Variants in MAF observed in about 807,000 individuals in gnomAD.
The protein encoded by MAF is MAF bZIP transcription factor, also known as transcription factor Maf.
MAF carries 10 observed loss-of-function variants against 22.0 expected under a neutral mutation model. The observed-to-expected ratio is 0.45, with a 90% CI of 0.28 to 0.77. The LOEUF is 0.77. Among genes scored for constraint, MAF ranks in the 30% least tolerant of loss-of-function variants. MAF has a pLI of 0.12. For missense variants in MAF, 544 were observed against 548.4 expected (o/e 0.99, Z 0.08); for synonymous variants, 337 against 255.8 (o/e 1.32, Z -3.03).
the MAF span, among the ~76,000 whole-genome samples, chr16:79,485,411 T>C: frequency 1.4e-4 from 22 of 152,154 alleles, no homozygotes; most frequent in Non-Finnish European, 1.0e-4. Flanking sequence ...TTATTTGTAT[T>C]TATTTATTTA....
the MAF span, among the ~76,000 whole-genome samples, chr16:79,286,786 C>T: frequency 6.6e-6 from 1 of 152,282 alleles, no homozygotes; most frequent in African/African-American, 2.4e-5. Flanking sequence ...CCACAGGCTC[C>T]CACACAACCC....
At chr16:79,211,734 C>A in the MAF span, 1 of 1,614,072 alleles carries the variant, frequency 6.2e-7, no homozygotes, top group Non-Finnish European at 8.5e-7. Context: ...AGAGACGGCC[C>A]GGACCCTGTG....
the MAF span, among the ~76,000 whole-genome samples, chr16:79,227,294 T>C: frequency 1.3e-5 from 2 of 152,052 alleles, no homozygotes; most frequent in Admixed American, 1.3e-4. Context: ...AAGACTGCAG[T>C]GAGCCTTGAT....
At chr16:79,561,363 C>T in the MAF span, among the ~76,000 whole-genome samples, 14 of 151,050 alleles carry the variant, frequency 9.3e-5, no homozygotes, top group South Asian at 1.7e-3. Context: ...ATGTGCACAA[C>T]GTGCAGGTTA....
At chr16:79,572,737 T>C in the MAF span, among the ~76,000 whole-genome samples, 3 of 152,202 alleles carry the variant, frequency 2.0e-5, no homozygotes, top group Non-Finnish European at 4.4e-5. Flanking sequence ...CTGCGCCCTG[T>C]CTACCCATCT....
At chr16:79,524,797 A>G in the MAF span, among the ~76,000 whole-genome samples, 3 of 152,216 alleles carry the variant, frequency 2.0e-5, no homozygotes, top group African/African-American at 7.2e-5. Flanking sequence ...GAATTAGATA[A>G]GATTAAGTAC....
chr16:79,534,093 G>C, the MAF span, among the ~76,000 whole-genome samples: 2 of 152,204 alleles, frequency 1.3e-5, no homozygotes, highest in Non-Finnish European at 2.9e-5. Context: ...AAAGAGATCA[G>C]AATCTACTTG....
the MAF span, among the ~76,000 whole-genome samples, chr16:79,525,004 A>C: frequency 6.6e-6 from 1 of 152,230 alleles, no homozygotes; most frequent in Non-Finnish European, 1.5e-5. Context: ...CTGTGTAATA[A>C]GATTTAAAAA....
At chr16:79,407,362 G>A in the MAF span, among the ~76,000 whole-genome samples, 1 of 152,166 alleles carries the variant, frequency 6.6e-6, no homozygotes, top group Non-Finnish European at 1.5e-5. Flanking sequence ...TGACCATAAA[G>A]GATATAACTT....
chr16:79,456,851 A>G, the MAF span, among the ~76,000 whole-genome samples: 1 of 152,094 alleles, frequency 6.6e-6, no homozygotes, highest in African/African-American at 2.4e-5. Flanking sequence ...TAACAACCCT[A>G]TTTATATGCA....
the MAF span, among the ~76,000 whole-genome samples, chr16:79,422,829 C>A: frequency 6.6e-6 from 1 of 152,142 alleles, no homozygotes; most frequent in East Asian, 1.9e-4. Flanking sequence ...TTGCACTAAT[C>A]TTATGAACAC....
At chr16:79,468,303 TG>T in the MAF span, among the ~76,000 whole-genome samples, 1 of 152,186 alleles carries the variant, frequency 6.6e-6, no homozygotes, top group East Asian at 1.9e-4. Context: ...ACTGCTGCCC[TG>T]GGCCGGCCAG....
chr16:79,272,592 A>C, the MAF span, among the ~76,000 whole-genome samples: 1 of 152,146 alleles, frequency 6.6e-6, no homozygotes, highest in Admixed American at 6.6e-5. Context: ...CCATCTCTGA[A>C]CTTCCTGAGG....
chr16:79,262,185 G>A, the MAF span, among the ~76,000 whole-genome samples: 1 of 152,272 alleles, frequency 6.6e-6, no homozygotes, highest in South Asian at 2.1e-4. Flanking sequence ...TGCAGGATGG[G>A]TAGTTTTTGC....
the MAF span, among the ~76,000 whole-genome samples, chr16:79,223,970 A>G: frequency 6.6e-6 from 1 of 152,222 alleles, no homozygotes; most frequent in Non-Finnish European, 1.5e-5. Context: ...AAACTATTGC[A>G]AACAATAGGA....
chr16:79,340,348 T>C, the MAF span, among the ~76,000 whole-genome samples: 2 of 151,808 alleles, frequency 1.3e-5, no homozygotes, highest in East Asian at 2.0e-4. Flanking sequence ...ATTGTTATTT[T>C]TAATTTAGTC....
the MAF span, among the ~76,000 whole-genome samples, chr16:79,542,360 G>T: frequency 6.6e-6 from 1 of 152,154 alleles, no homozygotes; most frequent in East Asian, 1.9e-4. Flanking sequence ...GTTATTTTTG[G>T]ACCATGCCAC....
the MAF span, among the ~76,000 whole-genome samples, chr16:79,508,456 G>A: frequency 2.0e-5 from 3 of 152,080 alleles, no homozygotes; most frequent in South Asian, 6.2e-4. Flanking sequence ...GCCCCTTCAT[G>A]CCTAGAGTGT....
At chr16:79,430,349 G>T in the MAF span, among the ~76,000 whole-genome samples, 2 of 152,202 alleles carry the variant, frequency 1.3e-5, no homozygotes, top group African/African-American at 2.4e-5. Context: ...GCTGAGCAGG[G>T]TCTTCCCGTC....
Sources: gnomAD v4.1 joint callset for allele counts (sites outside exome capture counted in the v4.1 genomes callset) on GRCh38, gnomAD v4.1.1 for gene constraint, MANE v1.5 for transcripts, NCBI Gene and HGNC (gene_info 2026-07-23, HGNC 2026-07-21) for gene names.